ATRX: variants seen among roughly 807,000 people sequenced by gnomAD.
The protein encoded by ATRX is ATRX chromatin remodeler, also known as chromatin remodeler ATRX.
ATRX carries 12 observed loss-of-function variants against 172.6 expected under a neutral mutation model. The observed-to-expected ratio is 0.07, with a 90% confidence interval of 0.04 to 0.11. The LOEUF (loss-of-function observed/expected upper bound fraction) is 0.11. ATRX is among the 10% of genes least tolerant of loss of function. ATRX has a pLI of 1.00. For missense variants in ATRX, 1,368 were observed against 1,767.4 expected, an observed-to-expected ratio of 0.77 and a Z score of 4.05; for synonymous variants, 674 against 594.7, an observed-to-expected ratio of 1.13 and a Z score of -1.94.
At chrX:77,752,481 C>T (rs1294378910) in intron 1 of ATRX, among the ~76,000 whole-genome samples, 1 of 111,805 alleles carries the variant, frequency 8.9e-6, no homozygotes, top group Non-Finnish European at 1.9e-5. Context: ...TTTCTCTTGC[C>T]TAGCCAGAAC....
At chrX:77,542,208 C>T (rs1557051201) in intron 30 of ATRX, among the ~76,000 whole-genome samples, 1 of 111,560 alleles carries the variant, frequency 9.0e-6, no homozygotes, top group African/African-American at 3.3e-5. Context: ...AGTGAAGTCC[C>T]ATTCACAATT....
intron 34 of ATRX, among the ~76,000 whole-genome samples, chrX:77,513,316 C>CAAAAAAAAA (rs1217104194): frequency 3.5e-4 from 9 of 25,626 alleles, no homozygotes; most frequent in Admixed American, 6.6e-4. Flanking sequence ...GACTCCGTCT[C>CAAAAAAAAA]AAAAAAAAAA....
chrX:77,610,188 G>C (rs1455157066), intron 22 of ATRX, among the ~76,000 whole-genome samples: 1 of 111,533 alleles, frequency 9.0e-6, no homozygotes. Flanking sequence ...AACTGAAATA[G>C]TTTTACCCCT....
At chrX:77,551,923 C>T (rs914512818) in intron 30 of ATRX, among the ~76,000 whole-genome samples, 7 of 111,715 alleles carry the variant, frequency 6.3e-5, no homozygotes, top group Non-Finnish European at 1.1e-4. Flanking sequence ...CAATGAGATA[C>T]CATCTCATAC....
chrX:77,526,320 T>C (rs1041958459), intron 30 of ATRX, among the ~76,000 whole-genome samples: 8 of 111,848 alleles, frequency 7.2e-5, no homozygotes, highest in African/African-American at 2.6e-4. Context: ...TTTTTAACTT[T>C]TATTTATTTA....
At chrX:77,724,309 C>A (rs2073929289) in intron 1 of ATRX, among the ~76,000 whole-genome samples, 1 of 103,338 alleles carries the variant, frequency 9.7e-6, no homozygotes, top group Admixed American at 1.1e-4. Context: ...AGAGAATGGA[C>A]AGAAGTCCAA....
chrX:77,538,794 C>T (rs1355898456), intron 30 of ATRX, among the ~76,000 whole-genome samples: 3 of 110,871 alleles, frequency 2.7e-5, no homozygotes, highest in Non-Finnish European at 5.7e-5. Context: ...GAGACTGAGG[C>T]GCAGACATTA....
chrX:77,692,895 T>G (rs868927907), intron 6 of ATRX, among the ~76,000 whole-genome samples: 1 of 90,704 alleles, frequency 1.1e-5, no homozygotes, highest in Non-Finnish European at 2.3e-5. Flanking sequence ...GTGTGTGTTT[T>G]AATTTTTTTG....
intron 11 of ATRX, 120 bp from the exon 12 acceptor site, chrX:77,663,678 T>A: frequency 1.8e-6 from 1 of 552,673 alleles, no homozygotes; most frequent in Non-Finnish European, 2.9e-6. Context: ...ACACATACTT[T>A]GGTATCATTG....
intron 1 of ATRX, among the ~76,000 whole-genome samples, chrX:77,772,675 G>A (rs1176902328): frequency 9.4e-6 from 1 of 106,717 alleles, no homozygotes; most frequent in Non-Finnish European, 1.9e-5. Context: ...TAGAGACAGG[G>A]TTTCACCATT....
At chrX:77,703,368 G>A (rs941108745) in intron 2 of ATRX, among the ~76,000 whole-genome samples, 8 of 112,983 alleles carry the variant, frequency 7.1e-5, no homozygotes, top group Admixed American at 1.9e-4. Context: ...CGGTCACTGC[G>A]CAATCAGACA....
intron 30 of ATRX, among the ~76,000 whole-genome samples, chrX:77,543,696 A>G (rs1393838308): frequency 9.0e-6 from 1 of 110,830 alleles, no homozygotes; most frequent in Non-Finnish European, 1.9e-5. Flanking sequence ...TTCTCTGCAA[A>G]CTGACACAAG....
chrX:77,526,074 A>C (rs1442348296), intron 30 of ATRX, among the ~76,000 whole-genome samples: 1 of 111,533 alleles, frequency 9.0e-6, no homozygotes, highest in African/African-American at 3.3e-5. Flanking sequence ...GTAGAAATTG[A>C]GGCCCAAAGA....
chrX:77,693,006 C>G lies in ATRX; in HGVS notation c.484+818G>C, dbSNP rs1557147949. Among the ~76,000 whole-genome samples, 3 of 110,453 alleles carry G rather than the reference C, an allele frequency of 2.7e-5. No individual in the cohort carries two copies. In the Admixed American group the frequency reaches 2.9e-4, roughly 11 times the overall value. Reference sequence around the variant, plus strand: ...GGCTCAAGTGATCCTCCCACCTCAGCCTCCAGAATAGCTAGGACTACAGGC... The same window carrying G: ...GGCTCAAGTGATCCTCCCACCTCAGGCTCCAGAATAGCTAGGACTACAGGC... On this transcript the variant is annotated intron_variant, in intron 6 of 34. Transcript: ENST00000373344.
chrX:77,716,346 A>ATC (rs2073424440), intron 2 of ATRX, among the ~76,000 whole-genome samples: 2 of 92,359 alleles, frequency 2.2e-5, no homozygotes, highest in Non-Finnish European at 4.2e-5. Flanking sequence ...ATATATATAT[A>ATC]TATCTTTTTA....
intron 25 of ATRX, chrX:77,594,227 C>T (rs782699613): frequency 3.2e-5 from 4 of 124,428 alleles, no homozygotes; most frequent in Non-Finnish European, 3.2e-5. Context: ...GAGTAAAATG[C>T]CCCCAAACAT....
intron 30 of ATRX, among the ~76,000 whole-genome samples, chrX:77,540,046 T>C (rs782358671): frequency 9.0e-6 from 1 of 111,616 alleles, no homozygotes; most frequent in South Asian, 3.8e-4. Context: ...TCAAGACCCA[T>C]TGGTGTGCTG....
intron 30 of ATRX, among the ~76,000 whole-genome samples, chrX:77,555,330 A>G (rs1243949102): frequency 8.9e-6 from 1 of 111,775 alleles, no homozygotes; most frequent in Non-Finnish European, 1.9e-5. Context: ...CAGAAATACC[A>G]TTTGACTCAG....
intron 12 of ATRX, among the ~76,000 whole-genome samples, chrX:77,658,517 A>C (rs1371899623): frequency 8.9e-6 from 1 of 112,178 alleles, no homozygotes; most frequent in Non-Finnish European, 1.9e-5. Context: ...TGGGAAAACT[A>C]ATCTCTGAAT....
Sources: allele counts gnomAD v4.1 joint callset (sites outside exome capture counted in the v4.1 genomes callset), GRCh38; gene constraint gnomAD v4.1.1; transcripts MANE v1.5; gene names NCBI Gene and HGNC (gene_info 2026-07-23, HGNC 2026-07-21).